Variants in LEPR observed in about 807,000 individuals in gnomAD.
LEPR encodes the protein leptin receptor.
LEPR carries 56 observed loss-of-function variants against 114.7 expected under a neutral mutation model. That is an observed-to-expected ratio of 0.49 (90% CI 0.39 to 0.61). LEPR has a LOEUF of 0.61. Among genes scored for constraint, LEPR ranks in the 20% least tolerant of loss-of-function variants. LEPR has a pLI of 0.00. For missense variants in LEPR, 1,202 were observed against 1,352.9 expected (o/e 0.89, Z 1.75); for synonymous variants, 443 against 461.4 (o/e 0.96, Z 0.51).
Position 65,601,863 on chromosome 1 carries a change from T to C in LEPR, c.1306T>C (p.Cys436Arg). The change falls in exon 10 of 20, where the codon TGT (cysteine) becomes CGT (arginine). Residue 436 changes from cysteine to arginine, a missense_variant. By Grantham distance (180) the Cys-to-Arg change is radical (BLOSUM62 -3). Transcript: ENST00000349533. ...AATAGATGTCAATATCAATATCTCA[T>C]GTGAAACTGATGGGTACTTAACTAA... ...YVIDVNINIS[C>R]ETDGYLTKMT... 6.2e-7 allele frequency: 1 copy of C among 1,613,532 alleles called. No homozygotes were observed.
chr1:65,457,854 T>G (rs905374443), intron 2 of LEPR, among the ~76,000 whole-genome samples: 1 of 152,336 alleles, frequency 6.6e-6, no homozygotes, highest in East Asian at 1.9e-4. Context: ...ACTCATGTAA[T>G]TTCAAAGCTG....
At chr1:65,491,206 G>T (rs539013998) in intron 2 of LEPR, among the ~76,000 whole-genome samples, 2 of 152,240 alleles carry the variant, frequency 1.3e-5, no homozygotes, top group South Asian at 4.1e-4. Context: ...CTGGCCTTAA[G>T]AATCTGCTTC....
At chr1:65,555,003 C>T (rs954891773) in intron 2 of LEPR, among the ~76,000 whole-genome samples, 1 of 152,046 alleles carries the variant, frequency 6.6e-6, no homozygotes, top group African/African-American at 2.4e-5. Context: ...GATGAGCCAA[C>T]GCCCCATCCT....
At chr1:65,546,560 C>G (rs555473306) in intron 2 of LEPR, among the ~76,000 whole-genome samples, 1 of 152,136 alleles carries the variant, frequency 6.6e-6, no homozygotes, top group Non-Finnish European at 1.5e-5. Flanking sequence ...ATTTTATTCT[C>G]TTTGAAGCAA....
At chr1:65,511,034 A>C (rs575634799) in intron 2 of LEPR, among the ~76,000 whole-genome samples, 16 of 152,228 alleles carry the variant, frequency 1.1e-4, no homozygotes, top group African/African-American at 3.6e-4. Context: ...AAAACAAAAC[A>C]CTTATTTTAG....
chr1:65,572,933 T>C (rs1012936069), intron 5 of LEPR, among the ~76,000 whole-genome samples: 2 of 152,196 alleles, frequency 1.3e-5, no homozygotes, highest in African/African-American at 4.8e-5. Context: ...GCTGGCTCTC[T>C]CTTGCCTTCA....
rs114792135 is a variant in LEPR at position 65,616,640 on chromosome 1, A to G, written c.2212+416A>G. Among the ~76,000 whole-genome samples, 1,355 of 152,192 alleles carry G rather than the reference A, an allele frequency of 8.9e-3. 21 individuals are homozygous for G. Among genetic ancestry groups the G allele is most frequent in the African/African-American group, 0.031 (1,282 of 41,556 alleles). ...ATATATATTTAACACTATGTAAAAT[A>G]GTAATAGCATGACATGTTATATGGA... On this transcript the variant is annotated intron_variant, in intron 15 of 19. Transcript: ENST00000349533.
At chr1:65,557,692 T>C (rs1034718850) in intron 2 of LEPR, among the ~76,000 whole-genome samples, 2 of 152,224 alleles carry the variant, frequency 1.3e-5, no homozygotes, top group African/African-American at 4.8e-5. Flanking sequence ...AGTGCTGGGA[T>C]TGCAGGTTTG....
At position 65,619,882 on chromosome 1, in the gene LEPR, C is replaced by T. The variant is rs762415646; in HGVS notation, c.2396-46C>T. ...TTTAAAATGTATGTTCCACTCATTA[C>T]TATTAATTTTGTATAAATGAGCCTT... On this transcript the variant is annotated intron_variant, in intron 16 of 19. Transcript: ENST00000349533. The T allele has an allele frequency of 5.1e-6, 7 of 1,382,774 alleles. No homozygotes were observed. In the Admixed American group the frequency reaches 1.0e-4, roughly 20 times the overall value. 85.7% of individuals were successfully genotyped at this position (1,382,774 alleles called of 1,614,324 possible).
intron 2 of LEPR, among the ~76,000 whole-genome samples, chr1:65,475,039 A>G (rs1647140335): frequency 7.4e-6 from 1 of 135,080 alleles, no homozygotes; most frequent in Non-Finnish European, 1.7e-5. Flanking sequence ...AGTAGCAAGA[A>G]AATAATCATT....
At chr1:65,449,800 A>C (rs1341641612) in intron 2 of LEPR, among the ~76,000 whole-genome samples, 3 of 149,196 alleles carry the variant, frequency 2.0e-5, no homozygotes, top group Non-Finnish European at 4.5e-5. Flanking sequence ...TTTCTTTAGA[A>C]TTAATTTGTT....
chr1:65,617,025 G>A (rs531634364), intron 15 of LEPR, among the ~76,000 whole-genome samples: 6 of 152,100 alleles, frequency 3.9e-5, no homozygotes, highest in Admixed American at 2.6e-4. Flanking sequence ...GTTAAGCATC[G>A]AGTTCCATAG....
Position 65,572,309 on chromosome 1 carries a change from T to TA in LEPR, c.371-17_371-16insA. On this transcript the variant is annotated splice_polypyrimidine_tract_variant and intron_variant, in intron 4 of 19. Transcript: ENST00000349533. ...GTAGTTGTTTTTTTTTTTTTTTTTT[T>TA]TTTTTTTTAAATTCAGATGCAAACT... The TA allele has an allele frequency of 6.9e-7, 1 of 1,454,804 alleles. No homozygotes were observed. The highest frequency in any genetic ancestry group is 9.0e-7 in the Non-Finnish European group (1 of 1,107,042). 90.1% of individuals were successfully genotyped at this position (1,454,804 alleles called of 1,614,324 possible).
At chr1:65,620,613 A>G (rs534780937) in intron 17 of LEPR, among the ~76,000 whole-genome samples, 2 of 152,314 alleles carry the variant, frequency 1.3e-5, no homozygotes, top group Admixed American at 6.5e-5. Flanking sequence ...ATAGCCAGAA[A>G]TGGTCTTTCT....
chr1:65,583,947 A>G (rs764651576), intron 5 of LEPR, among the ~76,000 whole-genome samples: 22 of 152,262 alleles, frequency 1.4e-4, no homozygotes, highest in Admixed American at 1.0e-3. Context: ...TGCAAAATGC[A>G]TTTTTTGTAA....
intron 1 of LEPR, among the ~76,000 whole-genome samples, chr1:65,423,997 A>T (rs1646306607): frequency 1.3e-5 from 2 of 152,210 alleles, no homozygotes; most frequent in Admixed American, 6.5e-5. Context: ...AGGTGGCACC[A>T]TTATTTCCAT....
At chr1:65,423,505 G>A (rs1211825066) in intron 1 of LEPR, among the ~76,000 whole-genome samples, 1 of 152,180 alleles carries the variant, frequency 6.6e-6, no homozygotes, top group East Asian at 1.9e-4. Flanking sequence ...ACTGCCGATG[G>A]TCAGGCACAG....
chr1:65,436,774 G>A (rs1051765159), intron 2 of LEPR, among the ~76,000 whole-genome samples: 7 of 152,118 alleles, frequency 4.6e-5, no homozygotes, highest in Admixed American at 3.3e-4. Context: ...TACACACTTC[G>A]GAATGAATGA....
intron 1 of LEPR, chr1:65,421,474 C>T: frequency 2.0e-6 from 3 of 1,536,044 alleles, no homozygotes; most frequent in Non-Finnish European, 2.6e-6. Context: ...GAAAACATTC[C>T]ATTTCTAATC....
Sources: allele counts gnomAD v4.1 joint callset (sites outside exome capture counted in the v4.1 genomes callset), GRCh38; gene constraint gnomAD v4.1.1; transcripts MANE v1.5; gene names NCBI Gene and HGNC (gene_info 2026-07-23, HGNC 2026-07-21).